The following ITGAD variants were observed in gnomAD, a reference collection of about 807,000 sequenced individuals.
The protein encoded by ITGAD is integrin alpha-D.
A neutral mutation model predicts 139.0 loss-of-function variants in ITGAD; 105 were observed. The ratio of observed to expected loss-of-function variants is 0.76; its 90% confidence interval spans 0.65 to 0.89. The LOEUF (loss-of-function observed/expected upper bound fraction) is 0.89, where lower values mean the gene tolerates loss of function less well. Among genes scored for constraint, ITGAD ranks in the 40% least tolerant of loss-of-function variants. The pLI, the probability that ITGAD is intolerant of heterozygous loss-of-function variation, is 0.00. For synonymous variants in ITGAD, 569 were observed against 598.3 expected (o/e 0.95, Z 0.71); for missense variants, 1,384 against 1,487.3 (o/e 0.93, Z 1.14).
rs763969146 is a variant in ITGAD, at chr16:31,402,140, C to T, written c.453C>T (p.Ile151=). The change falls in exon 6 of 30, where the codon ATC becomes ATT. Residue 151 remains isoleucine (I), a synonymous_variant. Transcript: ENST00000389202. The part of the protein sequence containing the change: ...TPECPHQEMD[I]VFLIDGSGSI... The stretch of plus-strand genomic sequence containing the variant: ...AGTGTCCACATCAAGAGATGGACAT[C>T]GTCTTCCTGATTGACGGCTCTGGAA... 4 of 1,613,948 alleles carry T rather than the reference C, an allele frequency of 2.5e-6. No individual in the cohort carries two copies. Among genetic ancestry groups the T allele is most frequent in the Non-Finnish European group, 3.4e-6 (4 of 1,179,850 alleles).
chr16:31,408,382 G>A (rs72789314), intron 9 of ITGAD, 43 bp from the exon 10 acceptor site: 213,520 of 1,540,908 alleles, frequency 0.14, 15,918 homozygotes, highest in South Asian at 0.16. Context: ...GTCCTCATGG[G>A]TCTCATGGCT....
chr16:31,425,413 TG>T (rs1387410674), intron 29 of ITGAD, among the ~76,000 whole-genome samples: 2 of 152,068 alleles, frequency 1.3e-5, no homozygotes, highest in Non-Finnish European at 2.9e-5. Context: ...TATCACAGAG[TG>T]GCTGAAGTGA....
chr16:31,404,503 T>G (rs541620233), intron 7 of ITGAD: 4 of 152,346 alleles, frequency 2.6e-5, no homozygotes, highest in African/African-American at 9.6e-5. Flanking sequence ...CCCTTGTGAC[T>G]CAGCAACCCA....
In ITGAD at chr16:31,423,853, C is replaced by T. The variant is rs780114542; in HGVS notation, c.3054C>T (p.Ser1018=). 1 of 1,614,234 alleles carries T rather than the reference C, an allele frequency of 6.2e-7. No homozygotes were observed. The highest frequency in any genetic ancestry group is 1.7e-5 in the Admixed American group (1 of 60,032). The part of the protein sequence containing the change: ...QISRSPMLDC[S]IADCLQFRCD... ...CCCTCTTCTGCCCCCAGGACTGCTC[C>T]ATTGCTGACTGCCTGCAGTTCCGCT... is the stretch of plus-strand genomic sequence containing the variant. Residue 1018 remains serine (S), a synonymous_variant, in exon 27 of 30, where the codon TCC becomes TCT. Transcript: ENST00000389202.
chr16:31,410,269 G>A, intron 10 of ITGAD, 126 bp from the exon 11 acceptor site: 1 of 1,309,776 alleles, frequency 7.6e-7, no homozygotes. Context: ...AGAGGCTGCT[G>A]GTGCGGGCCG....
At chr16:31,399,810 T>C (rs1276400123) in intron 5 of ITGAD, among the ~76,000 whole-genome samples, 1 of 152,006 alleles carries the variant, frequency 6.6e-6, no homozygotes, top group African/African-American at 2.4e-5. Flanking sequence ...TGCCAAGCAG[T>C]GCTGAATACC....
chr16:31,416,188 A>T, intron 18 of ITGAD, 25 bp from the exon 19 acceptor site: 1 of 1,578,002 alleles, frequency 6.3e-7, no homozygotes, highest in South Asian at 1.1e-5. Context: ...GTCAGATGGG[A>T]ACAGAATATA....
chr16:31,419,812 C>CAA (rs1202333629), intron 23 of ITGAD, among the ~76,000 whole-genome samples: 677 of 58,124 alleles, frequency 0.012, 18 homozygotes, highest in African/African-American at 0.036. Context: ...GGCTCTGTCT[C>CAA]AAAAAAAAAA....
In ITGAD at chr16:31,413,134, T is replaced by C. The variant is rs1332519317; in HGVS notation, c.1884T>C (p.Pro628=). The stretch of plus-strand genomic sequence containing the variant: ...TGGGGGTGGCCATGAGATTCAGCCC[T>C]GTGGAGGTGGCCAAGGCTGTGTACC... ...LKVGVAMRFS[P]VEVAKAVYRC... is the part of the protein sequence containing the mutation. The change falls in exon 16 of 30, where the codon CCT becomes CCC. Residue 628 remains proline, a synonymous_variant. Transcript: ENST00000389202. 1.2e-6 allele frequency: 2 copies of C among 1,614,038 alleles called. No individual in the cohort carries two copies. Among genetic ancestry groups the C allele is most frequent in the African/African-American group, 2.7e-5 (2 of 74,916 alleles).
rs2082039253 is a variant in ITGAD, at chr16:31,423,127, AC to A, written c.2796del (p.Lys933SerfsTer13). The A allele has an allele frequency of 6.2e-7, 1 of 1,614,122 alleles. No individual in the cohort carries two copies. Among genetic ancestry groups the A allele is most frequent in the African/African-American group, 1.3e-5 (1 of 75,044 alleles). On this transcript the variant is annotated frameshift_variant, in exon 24 of 30. Coordinates refer to ENST00000389202, the MANE Select transcript of ITGAD (RefSeq NM_005353.3). LOFTEE classifies it high-confidence loss of function. ...YTMISRQEES[T>X]KYFNFATSDE... ...CTCTCTCTCCAGGCAGGAAGAATCC[AC>A]CAAGTACTTCAACTTTGCAACCTCC...
At chr16:31,400,833 T>C (rs1245846624) in intron 5 of ITGAD, among the ~76,000 whole-genome samples, 3 of 152,146 alleles carry the variant, frequency 2.0e-5, no homozygotes, top group Non-Finnish European at 4.4e-5. Context: ...TTTGAACTCC[T>C]GACCTCAAGT....
At chr16:31,411,699 T>C (rs571763895) in intron 14 of ITGAD, among the ~76,000 whole-genome samples, 182 bp downstream of exon 14, 87 of 152,340 alleles carry the variant, frequency 5.7e-4, no homozygotes, top group South Asian at 1.2e-3. Context: ...GGCAGCTTAA[T>C]GGTTAGGAGA....
chr16:31,418,799 TCA>T (rs1178612743), intron 23 of ITGAD, among the ~76,000 whole-genome samples: 2 of 152,216 alleles, frequency 1.3e-5, no homozygotes, highest in Admixed American at 6.5e-5. Context: ...GGCAGGTGGT[TCA>T]CCTGAGGTCA....
At position 31,412,864 on chromosome 16, in the gene ITGAD, C is replaced by G. The variant is rs367661611; in HGVS notation, c.1734C>G (p.Pro578=). The G allele has an allele frequency of 1.9e-6, 3 of 1,614,146 alleles. No homozygotes were observed. Among genetic ancestry groups the G allele is most frequent in the South Asian group, 1.1e-5 (1 of 91,086 alleles). ...SQRIASSQLS[P]RLQYFGQALS... ...GGATTGCCAGCTCCCAGCTCTCCCCCAGGCTGCAGTATTTTGGGCAGGCGC... is the reference window on the plus strand; with the variant it reads ...GGATTGCCAGCTCCCAGCTCTCCCCGAGGCTGCAGTATTTTGGGCAGGCGC... The change falls in exon 15 of 30, where the codon CCC becomes CCG. Residue 578 remains proline (P), a synonymous_variant. Transcript: ENST00000389202.
At position 31,410,730 on chromosome 16, in the gene ITGAD, C is replaced by T. The variant is rs1352061919; in HGVS notation, c.1214-6C>T. ...GGGCCTTTGTGCTGAGGCCTGGGCC[C>T]CTCAGGTTACTCCACCGAGCTAGCC... On this transcript the variant is annotated splice_polypyrimidine_tract_variant and splice_region_variant and intron_variant, in intron 11 of 29. Transcript: ENST00000389202. 1 of 1,609,602 alleles carries T rather than the reference C, an allele frequency of 6.2e-7. No homozygotes were observed. Among genetic ancestry groups the T allele is most frequent in the Non-Finnish European group, 8.5e-7 (1 of 1,178,402 alleles).
chr16:31,400,407 T>C (rs1340577547), intron 5 of ITGAD, among the ~76,000 whole-genome samples: 1 of 152,146 alleles, frequency 6.6e-6, no homozygotes, highest in Non-Finnish European at 1.5e-5. Flanking sequence ...CACACCTTAG[T>C]GCTCTGGTGG....
At position 31,416,558 on chromosome 16, in the gene ITGAD, T is replaced by C. The variant is rs769114130; in HGVS notation, c.2411T>C (p.Val804Ala). 1.7e-5 allele frequency: 28 copies of C among 1,613,904 alleles called. No individual in the cohort carries two copies. The South Asian group carries it at 1.8e-4, about 10-fold the overall frequency. ...SSLELNVIVT[V>A]WNAGEDSYGT... is the part of the protein sequence containing the mutation. ...CTGGAGCTCAACGTGATTGTGACTG[T>C]GTGGAACGCAGGTGAGGATTCCTAC... Residue 804 changes from valine (V) to alanine (A), a missense_variant, in exon 20 of 30, where the codon GTG becomes GCG. Physicochemically the swap from Val to Ala is moderately conservative, Grantham distance 64 (BLOSUM62 0). Transcript: ENST00000389202.
Position 31,408,034 on chromosome 16 carries a change from C to T in ITGAD, c.1009+118C>T, listed in dbSNP as rs577404508. 7.8e-5 allele frequency: 87 copies of T among 1,108,336 alleles called. 2 individuals are homozygous for T. In the Admixed American group the frequency reaches 1.9e-3, roughly 25 times the overall value. The allele number at this position is 1,108,336 out of a possible 1,614,324, so 68.7% of individuals were successfully genotyped here. On this transcript the variant is annotated intron_variant, in intron 9 of 29. Transcript: ENST00000389202. ...GTCCCCAGGCTGGAGTGTAGTGGCA[C>T]GATCTCGGCTCACTGCAACCTCTGC... is the stretch of plus-strand genomic sequence containing the variant.
intron 16 of ITGAD, among the ~76,000 whole-genome samples, chr16:31,413,479 T>A (rs958390300): frequency 3.3e-5 from 5 of 152,012 alleles, no homozygotes; most frequent in Non-Finnish European, 4.4e-5. Flanking sequence ...GCCACTGCCT[T>A]CCCCCAGCCC....
Sources: allele counts gnomAD v4.1 joint callset (sites outside exome capture counted in the v4.1 genomes callset), GRCh38; gene constraint gnomAD v4.1.1; transcripts MANE v1.5; gene names NCBI Gene and HGNC (gene_info 2026-07-23, HGNC 2026-07-21).